Variants in SLC15A4 observed in about 807,000 individuals in gnomAD.
SLC15A4 encodes hPHT1.
SLC15A4 carries 26 observed loss-of-function variants against 46.1 expected under a neutral mutation model. The observed-to-expected ratio is 0.56, with a 90% CI of 0.41 to 0.78. The LOEUF (loss-of-function observed/expected upper bound fraction) is 0.78. Among genes scored for constraint, SLC15A4 ranks in the 30% least tolerant of loss-of-function variants. The probability of loss-of-function intolerance (pLI) is 0.00; values close to 1 mark genes in which losing one functional copy is unlikely to be tolerated. For missense variants in SLC15A4, 751 were observed against 755.7 expected (o/e 0.99, Z 0.07); for synonymous variants, 370 against 333.4 (o/e 1.11, Z -1.20).
intron 2 of SLC15A4, chr12:128,814,462 C>T (rs574873635): frequency 1.6e-4 from 52 of 319,198 alleles, no homozygotes; most frequent in African/African-American, 1.1e-3. Context: ...TCTGTCTCCT[C>T]GATGTCCTCC....
At position 128,823,755 on chromosome 12, in the gene SLC15A4, G is replaced by A; in HGVS notation, c.189C>T (p.Asn63=). 1 of 1,539,146 alleles carries A rather than the reference G, an allele frequency of 6.5e-7. No homozygotes were observed. Among genetic ancestry groups the A allele is most frequent in the East Asian group, 2.6e-5 (1 of 38,776 alleles). Residue 63 remains asparagine, a synonymous_variant, in exon 1 of 8, where the codon AAC becomes AAT. Transcript: ENST00000266771. ...CGCCCTCCCAGCAGAACGGCGCCCC[G>A]TTCAGGAATAGCACCAGGTTGGACG... The part of the protein sequence containing the change: ...GITSNLVLFL[N]GAPFCWEGAQ...
At chr12:128,806,051 C>T (rs948951949) in intron 5 of SLC15A4, among the ~76,000 whole-genome samples, 1 of 150,670 alleles carries the variant, frequency 6.6e-6, no homozygotes, top group African/African-American at 2.4e-5. Flanking sequence ...CACCTGTAGT[C>T]CCAGCTACTC....
At chr12:128,817,883 G>A (rs980576805) in intron 1 of SLC15A4, among the ~76,000 whole-genome samples, 8 of 152,124 alleles carry the variant, frequency 5.3e-5, no homozygotes, top group Non-Finnish European at 7.4e-5. Context: ...CCTGCCCATC[G>A]TTTGCATGAC....
At chr12:128,820,073 A>T (rs1250102334) in intron 1 of SLC15A4, among the ~76,000 whole-genome samples, 1 of 152,208 alleles carries the variant, frequency 6.6e-6, no homozygotes, top group African/African-American at 2.4e-5. Flanking sequence ...GAGGCATAAT[A>T]GAAGCTTTCC....
In SLC15A4 at chr12:128,796,590, A is replaced by G. The variant is rs1049240013; in HGVS notation, c.1574-2234T>C. 3.9e-5 allele frequency among the ~76,000 whole-genome samples: 6 copies of G among 152,230 alleles called. No individual in the cohort carries two copies. In the East Asian group the frequency reaches 7.7e-4, roughly 20 times the overall value. On this transcript the variant is annotated intron_variant, in intron 7 of 7. Transcript: ENST00000266771. ...AATACCCTGAATTCTACCAGACTAA[A>G]GCTTTATTTTTTCAACAGATGTTTT...
At position 128,823,477 on chromosome 12, in the gene SLC15A4, G is replaced by C; in HGVS notation, c.467C>G (p.Ala156Gly). Residue 156 changes from alanine (A) to glycine (G), a missense_variant, in exon 1 of 8, where the codon GCC becomes GGC. Physicochemically the swap from Ala to Gly is moderately conservative, Grantham distance 60. Transcript: ENST00000266771. Reference protein sequence around the residue: ...PDAAARCCSPATFAGLVLVGL... With the variant: ...PDAAARCCSPGTFAGLVLVGL... Reference sequence around the variant, plus strand: ...CACCAGCACCAGCCCCGCGAAGGTGGCCGGTGAGCAGCAGCGGGCGGCGGC... The same window carrying C: ...CACCAGCACCAGCCCCGCGAAGGTGCCCGGTGAGCAGCAGCGGGCGGCGGC... 6.7e-7 allele frequency: 1 copy of C among 1,484,610 alleles called. No individual in the cohort carries two copies. The allele number at this position is 1,484,610 out of a possible 1,614,324, so 92.0% of individuals were successfully genotyped here.
At chr12:128,810,531 A>T (rs531234337) in intron 2 of SLC15A4, among the ~76,000 whole-genome samples, 1 of 152,346 alleles carries the variant, frequency 6.6e-6, no homozygotes, top group South Asian at 2.1e-4. Flanking sequence ...GGATTGTGTG[A>T]ATTTTTAATC....
intron 5 of SLC15A4, among the ~76,000 whole-genome samples, chr12:128,806,240 A>C (rs1440318114): frequency 6.6e-6 from 1 of 152,044 alleles, no homozygotes; most frequent in African/African-American, 2.4e-5. Context: ...ATAACCATGT[A>C]CAGTTACATT....
intron 5 of SLC15A4, among the ~76,000 whole-genome samples, chr12:128,805,635 C>A (rs956622859): frequency 2.6e-5 from 4 of 152,086 alleles, no homozygotes; most frequent in Admixed American, 2.0e-4. Flanking sequence ...TGAGTTCAAG[C>A]GATTCTCATA....
In SLC15A4 at chr12:128,802,120, T is replaced by C. The variant is rs1014890813; in HGVS notation, c.1259-1111A>G. The stretch of plus-strand genomic sequence containing the variant: ...TGGAAGAGTGTCAAGGGAAACCCAA[T>C]CCTTCCACTCCGCCCTCCACGGGAG... On this transcript the variant is annotated intron_variant, in intron 5 of 7. Transcript: ENST00000266771. Among the ~76,000 whole-genome samples the C allele has an allele frequency of 6.6e-5, 10 of 152,078 alleles. No homozygotes were observed. In the East Asian group the frequency reaches 1.7e-3, roughly 27 times the overall value.
chr12:128,823,894 G>C lies in SLC15A4; in HGVS notation c.50C>G (p.Ala17Gly). Residue 17 changes from alanine to glycine, a missense_variant, in exon 1 of 8, where the codon GCG becomes GGG. By Grantham distance (60) the Ala-to-Gly change is moderately conservative. Coordinates refer to ENST00000266771, the MANE Select transcript of SLC15A4 (RefSeq NM_145648.4). Reference sequence around the variant, plus strand: ...CGCCGCGGCCGCCGCCGCCCGCCGCGCGCCCAGCAGCGGCGCCCGCTCGCC... The same window carrying C: ...CGCCGCGGCCGCCGCCGCCCGCCGCCCGCCCAGCAGCGGCGCCCGCTCGCC... ...GAGERAPLLG[A>G]RRAAAAAAAA... 1 of 917,884 alleles carries C rather than the reference G, an allele frequency of 1.1e-6. No individual in the cohort carries two copies. Among genetic ancestry groups the C allele is most frequent in the Non-Finnish European group, 1.3e-6 (1 of 770,962 alleles). The allele number at this position is 917,884 out of a possible 1,614,324, so 56.9% of individuals were successfully genotyped here. A position where few individuals can be genotyped will look rare whatever the true frequency, so the allele number is the denominator to read the frequency against.
Position 128,823,547 on chromosome 12 carries a change from A to AGAGCGCGGCTCGCGTGGC in SLC15A4, c.379_396dup (p.Ala127_Leu132dup), listed in dbSNP as rs1299046037. 6.9e-7 allele frequency: 1 copy of AGAGCGCGGCTCGCGTGGC among 1,452,524 alleles called. No individual in the cohort carries two copies. The highest frequency in any genetic ancestry group is 9.0e-7 in the Non-Finnish European group (1 of 1,110,476). 90.0% of individuals were successfully genotyped at this position (1,452,524 alleles called of 1,614,324 possible). A position where few individuals can be genotyped will look rare whatever the true frequency, so the allele number is the denominator to read the frequency against. ...CAGTTGAGCAGGCGCGCGGAACCGC[A>AGAGCGCGGCTCGCGTGGC]GAGCGCGGCTCGCGTGGCGGGCGCG... On this transcript the variant is annotated inframe_insertion, in exon 1 of 8. Transcript: ENST00000266771.
intron 2 of SLC15A4, 109 bp downstream of exon 2, chr12:128,814,666 C>T: frequency 8.5e-7 from 1 of 1,172,078 alleles, no homozygotes; most frequent in Non-Finnish European, 1.2e-6. Flanking sequence ...GTAAACCACT[C>T]AGCCCAGGCC....
rs138450096 is a variant in SLC15A4, at chr12:128,799,149, C to T, written c.1573+110G>A. On this transcript the variant is annotated intron_variant, in intron 7 of 7. Transcript: ENST00000266771. ...TGGAAGGAGCGGTGGACAGGCAGCT[C>T]GGGACAGGCCATCCACGTGAAAACA... The T allele has an allele frequency of 6.2e-4, 754 of 1,210,902 alleles. 4 individuals carry two copies. In the African/African-American group the frequency reaches 8.8e-3, roughly 14 times the overall value. 75.0% of individuals were successfully genotyped at this position (1,210,902 alleles called of 1,614,324 possible). A position where few individuals can be genotyped will look rare whatever the true frequency, so the allele number is the denominator to read the frequency against.
chr12:128,814,673 G>A, intron 2 of SLC15A4, 102 bp downstream of exon 2: 1 of 1,254,360 alleles, frequency 8.0e-7, no homozygotes, highest in Non-Finnish European at 1.1e-6. Context: ...ACTCAGCCCA[G>A]GCCCAGCACA....
chr12:128,800,503 G>A (rs531471079), intron 6 of SLC15A4, among the ~76,000 whole-genome samples: 3 of 152,234 alleles, frequency 2.0e-5, no homozygotes, highest in Non-Finnish European at 2.9e-5. Context: ...ACATCTAAAC[G>A]AAGCGCACTG....
chr12:128,818,321 C>T (rs2135722959), intron 1 of SLC15A4, among the ~76,000 whole-genome samples: 1 of 152,214 alleles, frequency 6.6e-6, no homozygotes, highest in East Asian at 1.9e-4. Flanking sequence ...AGCCTCACCC[C>T]ATTGTCTCTC....
Position 128,820,044 on chromosome 12 carries a change from G to A in SLC15A4, c.546+3354C>T, listed in dbSNP as rs149568883. ...TGTGGCGAGGCTTAAATAAGATCAC[G>A]TGGGAAAGGCACAAGTAAGAGGCAT... On this transcript the variant is annotated intron_variant, in intron 1 of 7. Transcript: ENST00000266771. Among the ~76,000 whole-genome samples, 358 of 152,314 alleles carry A rather than the reference G, an allele frequency of 2.4e-3. 2 individuals carry two copies. The highest frequency in any genetic ancestry group is 8.1e-3 in the African/African-American group (335 of 41,570).
At position 128,799,133 on chromosome 12, in the gene SLC15A4, C is replaced by T. The variant is rs558494214; in HGVS notation, c.1573+126G>A. 4.1e-5 allele frequency: 39 copies of T among 947,970 alleles called. 1 individual carries two copies. The highest frequency in any genetic ancestry group is 2.6e-4 in the South Asian group (17 of 66,050). The allele number at this position is 947,970 out of a possible 1,614,324, so 58.7% of individuals were successfully genotyped here. Reference sequence around the variant, plus strand: ...GCACAGAGCAGTGCTGTGGAAGGAGCGGTGGACAGGCAGCTCGGGACAGGC... The same window carrying T: ...GCACAGAGCAGTGCTGTGGAAGGAGTGGTGGACAGGCAGCTCGGGACAGGC... On this transcript the variant is annotated intron_variant, in intron 7 of 7. Transcript: ENST00000266771.
Sources: allele counts gnomAD v4.1 joint callset (sites outside exome capture counted in the v4.1 genomes callset), GRCh38; gene constraint gnomAD v4.1.1; transcripts MANE v1.5; gene names NCBI Gene and HGNC (gene_info 2026-07-23, HGNC 2026-07-21).